EPHB1: variants seen among roughly 807,000 people sequenced by gnomAD.
EPHB1 encodes the protein EPH receptor B1.
A neutral mutation model predicts 94.4 loss-of-function variants in EPHB1; 30 were observed. The observed-to-expected ratio is 0.32, with a 90% CI of 0.24 to 0.43. EPHB1 has a LOEUF of 0.43. EPHB1 is among the 20% of genes least tolerant of loss of function. EPHB1 has a pLI of 1.00. For synonymous variants in EPHB1, 522 were observed against 489.1 expected (o/e 1.07, Z -0.89); for missense variants, 1,055 against 1,308.3 (o/e 0.81, Z 2.99).
intron 7 of EPHB1, among the ~76,000 whole-genome samples, chr3:135,164,405 G>C (rs1941593105): frequency 1.3e-5 from 2 of 152,200 alleles, no homozygotes; most frequent in African/African-American, 4.8e-5. Flanking sequence ...CAGATACCCT[G>C]CTCTTCACCC....
intron 3 of EPHB1, among the ~76,000 whole-genome samples, chr3:135,103,942 A>T (rs1939116017): frequency 6.6e-6 from 1 of 152,228 alleles, no homozygotes; most frequent in Non-Finnish European, 1.5e-5. Context: ...CCACTTGTGG[A>T]TATCAGGACA....
At chr3:135,240,279 C>T (rs528760247) in intron 12 of EPHB1, among the ~76,000 whole-genome samples, 1 of 152,302 alleles carries the variant, frequency 6.6e-6, no homozygotes, top group East Asian at 1.9e-4. Flanking sequence ...TCAGCAGGAC[C>T]TGGCACAAAG....
intron 3 of EPHB1, among the ~76,000 whole-genome samples, chr3:135,065,780 T>C (rs185116434): frequency 6.6e-6 from 1 of 152,328 alleles, no homozygotes; most frequent in Admixed American, 6.5e-5. Flanking sequence ...ATTGTACTTT[T>C]GTTTTATAGG....
chr3:134,892,146 C>T (rs770560840), intron 1 of EPHB1, among the ~76,000 whole-genome samples: 9 of 152,216 alleles, frequency 5.9e-5, no homozygotes, highest in Non-Finnish European at 8.8e-5. Context: ...TGAGAATGTA[C>T]TTTTCCACAG....
intron 3 of EPHB1, among the ~76,000 whole-genome samples, chr3:134,965,981 T>C (rs1578237435): frequency 6.6e-6 from 1 of 152,308 alleles, no homozygotes; most frequent in Non-Finnish European, 1.5e-5. Flanking sequence ...TCTCCTGCCT[T>C]CCCTGCCTGT....
chr3:135,153,706 G>C (rs1039543141), intron 5 of EPHB1, among the ~76,000 whole-genome samples: 1 of 152,180 alleles, frequency 6.6e-6, no homozygotes, highest in African/African-American at 2.4e-5. Flanking sequence ...TATACCAACT[G>C]GTTCTACTCT....
chr3:134,923,753 T>TGGAG, intron 1 of EPHB1, among the ~76,000 whole-genome samples: 1 of 152,198 alleles, frequency 6.6e-6, no homozygotes, highest in South Asian at 2.1e-4. Flanking sequence ...ACCTTTGGTT[T>TGGAG]ATGACAGGGT....
In EPHB1 at chr3:134,830,218, A is replaced by T. The variant is rs114201626; in HGVS notation, c.58+34529A>T. Among the ~76,000 whole-genome samples the T allele has an allele frequency of 5.0e-3, 763 of 152,316 alleles. 6 individuals are homozygous for T. The highest frequency in any genetic ancestry group is 5.5e-3 in the Non-Finnish European group (377 of 68,034). On this transcript the variant is annotated intron_variant, in intron 1 of 15. Transcript: ENST00000398015. ...TCGATTGACAATAAGTTGCAGACAT[A>T]TGCCCATTTACTCCTAATTACTTCA... is the stretch of plus-strand genomic sequence containing the variant.
chr3:134,868,414 A>G (rs952727957), intron 1 of EPHB1, among the ~76,000 whole-genome samples: 13 of 152,198 alleles, frequency 8.5e-5, no homozygotes, highest in African/African-American at 2.9e-4. Context: ...TGCTGCTGTA[A>G]TGTGCAATGA....
chr3:135,141,828 T>G (rs1940840752), intron 5 of EPHB1, among the ~76,000 whole-genome samples: 4 of 152,108 alleles, frequency 2.6e-5, no homozygotes, highest in Admixed American at 2.6e-4. Flanking sequence ...GAGGAAGCAC[T>G]GAAAACCATG....
At chr3:134,827,525 C>G (rs1457558489) in intron 1 of EPHB1, among the ~76,000 whole-genome samples, 2 of 152,236 alleles carry the variant, frequency 1.3e-5, no homozygotes, top group Admixed American at 6.5e-5. Flanking sequence ...GCCTAAAGCT[C>G]TCCTATCATG....
At chr3:135,200,582 T>C (rs1394008682) in intron 11 of EPHB1, among the ~76,000 whole-genome samples, 1 of 152,204 alleles carries the variant, frequency 6.6e-6, no homozygotes, top group African/African-American at 2.4e-5. Flanking sequence ...CTTGTGTTTA[T>C]TGAGATTTTC....
At chr3:135,038,467 G>C (rs1163743708) in intron 3 of EPHB1, among the ~76,000 whole-genome samples, 1 of 152,190 alleles carries the variant, frequency 6.6e-6, no homozygotes, top group Non-Finnish European at 1.5e-5. Context: ...GGGAGAGAGA[G>C]ATAGGCCCAG....
At chr3:135,183,925 C>T (rs184011967) in intron 10 of EPHB1, among the ~76,000 whole-genome samples, 2 of 152,276 alleles carry the variant, frequency 1.3e-5, no homozygotes, top group Non-Finnish European at 2.9e-5. Context: ...TTCTAGCAAG[C>T]TGAATCCTAT....
intron 1 of EPHB1, among the ~76,000 whole-genome samples, chr3:134,889,449 T>C (rs73217030): frequency 0.063 from 9,566 of 152,246 alleles, 337 homozygotes; most frequent in South Asian, 0.15. Flanking sequence ...CAAGCACTGT[T>C]GTGCAGAAAC....
chr3:134,817,316 C>A (rs1361513538), intron 1 of EPHB1, among the ~76,000 whole-genome samples: 1 of 152,178 alleles, frequency 6.6e-6, no homozygotes, highest in Non-Finnish European at 1.5e-5. Flanking sequence ...GTATTGCCTG[C>A]AATTCTAGTC....
chr3:134,862,536 G>C (rs560772682), intron 1 of EPHB1, among the ~76,000 whole-genome samples: 1 of 150,714 alleles, frequency 6.6e-6, no homozygotes, highest in East Asian at 1.9e-4. Flanking sequence ...TACTCAATTA[G>C]AGTAAAACTT....
intron 1 of EPHB1, among the ~76,000 whole-genome samples, chr3:134,876,339 G>T (rs2037615875): frequency 6.6e-6 from 1 of 152,216 alleles, no homozygotes; most frequent in Non-Finnish European, 1.5e-5. Flanking sequence ...TGCCCAGCCT[G>T]TAGGGCTCAG....
chr3:134,868,400 G>A (rs188729278), intron 1 of EPHB1, among the ~76,000 whole-genome samples: 1 of 152,308 alleles, frequency 6.6e-6, no homozygotes, highest in Admixed American at 6.5e-5. Context: ...TACCCCCTAA[G>A]TGTTGCTGCT....
Sources: allele counts gnomAD v4.1 joint callset (sites outside exome capture counted in the v4.1 genomes callset), GRCh38; gene constraint gnomAD v4.1.1; transcripts MANE v1.5; gene names NCBI Gene and HGNC (gene_info 2026-07-23, HGNC 2026-07-21).